FHIT: variants seen among roughly 807,000 people sequenced by gnomAD.
FHIT encodes bis(5'-adenosyl)-triphosphatase.
FHIT carries 19 observed loss-of-function variants against 17.9 expected under a neutral mutation model. The ratio of observed to expected loss-of-function variants is 1.06; its 90% CI spans 0.74 to 1.56. FHIT has a LOEUF of 1.56. Among genes scored for constraint, FHIT ranks in the 40% most tolerant of loss-of-function variants. The probability of loss-of-function intolerance (pLI) is 0.00; values close to 1 mark genes in which losing one functional copy is unlikely to be tolerated. For synonymous variants in FHIT, 81 were observed against 69.7 expected, an observed-to-expected ratio of 1.16 and a Z score of -0.81; for missense variants, 248 against 189.2, an observed-to-expected ratio of 1.31 and a Z score of -1.82.
chr3:60,398,401 C>T (rs1045937234), intron 5 of FHIT, among the ~76,000 whole-genome samples: 7 of 152,072 alleles, frequency 4.6e-5, no homozygotes, highest in African/African-American at 1.7e-4. Flanking sequence ...AAAATTTCAG[C>T]CAGCAAGAAA....
intron 4 of FHIT, among the ~76,000 whole-genome samples, chr3:60,748,532 C>A (rs1011459626): frequency 6.6e-6 from 1 of 152,136 alleles, no homozygotes; most frequent in Admixed American, 6.5e-5. Flanking sequence ...CATATCTAGG[C>A]CAAGTGCGGT....
chr3:60,478,273 GTGACT>G (rs2033444692), intron 5 of FHIT, among the ~76,000 whole-genome samples: 2 of 152,188 alleles, frequency 1.3e-5, no homozygotes, highest in Non-Finnish European at 2.9e-5. Context: ...CTCAGGCAGT[GTGACT>G]GCACAGCCAG....
At chr3:60,911,378 C>T (rs1385057915) in intron 3 of FHIT, among the ~76,000 whole-genome samples, 1 of 150,990 alleles carries the variant, frequency 6.6e-6, no homozygotes, top group Non-Finnish European at 1.5e-5. Flanking sequence ...CATGCACACA[C>T]ACACACACAC....
At chr3:60,155,119 C>T (rs1437154006) in intron 5 of FHIT, among the ~76,000 whole-genome samples, 6 of 147,714 alleles carry the variant, frequency 4.1e-5, no homozygotes, top group African/African-American at 1.5e-4. Flanking sequence ...CCCAGGAGGT[C>T]GAGGCTGCAT....
chr3:60,440,917 T>C (rs1159049857), intron 5 of FHIT, among the ~76,000 whole-genome samples: 1 of 152,144 alleles, frequency 6.6e-6, no homozygotes, highest in Non-Finnish European at 1.5e-5. Flanking sequence ...GGTTTTATGT[T>C]GGCATACGAT....
chr3:60,254,868 G>T (rs773122789), intron 5 of FHIT, among the ~76,000 whole-genome samples: 2 of 152,188 alleles, frequency 1.3e-5, no homozygotes, highest in Non-Finnish European at 2.9e-5. Flanking sequence ...AATATTTGAT[G>T]TGACTTTTTG....
intron 3 of FHIT, among the ~76,000 whole-genome samples, chr3:60,843,668 A>ATGGACTGT (rs1702819467): frequency 6.6e-6 from 1 of 151,872 alleles, no homozygotes; most frequent in African/African-American, 2.4e-5. Context: ...TGCTTCTCCA[A>ATGGACTGT]ATATAATTTC....
At chr3:60,236,642 G>T (rs1704812790) in intron 5 of FHIT, among the ~76,000 whole-genome samples, 1 of 152,090 alleles carries the variant, frequency 6.6e-6, no homozygotes, top group Non-Finnish European at 1.5e-5. Context: ...GAATGGATAT[G>T]TTCATGTATC....
At chr3:60,359,997 C>CTT (rs1190609181) in intron 5 of FHIT, among the ~76,000 whole-genome samples, 9 of 114,788 alleles carry the variant, frequency 7.8e-5, no homozygotes, top group African/African-American at 1.3e-4. Context: ...TTTTTTTTTT[C>CTT]TTTTTTTTTT....
At position 59,749,413 on chromosome 3, in the gene FHIT, G is replaced by C. The variant is rs1212505490; in HGVS notation, c.*172C>G. Reference sequence around the variant, plus strand: ...CCGTTTAGGTCTAGGTATTTTAAGGGAGTTGGAGTGACCGAGGTGGGGGAT... The same window carrying C: ...CCGTTTAGGTCTAGGTATTTTAAGGCAGTTGGAGTGACCGAGGTGGGGGAT... On this transcript the variant is annotated 3_prime_UTR_variant, in exon 10 of 10. Transcript: ENST00000492590. 1.3e-5 allele frequency: 3 copies of C among 231,776 alleles called. No individual in the cohort carries two copies. The East Asian group carries it at 1.8e-4, about 14-fold the overall frequency. 14.4% of individuals were successfully genotyped at this position (231,776 alleles called of 1,614,324 possible). A position where few individuals can be genotyped will look rare whatever the true frequency, so the allele number is the denominator to read the frequency against.
intron 5 of FHIT, among the ~76,000 whole-genome samples, chr3:60,113,907 C>A (rs1704800392): frequency 7.2e-6 from 1 of 139,680 alleles, no homozygotes; most frequent in Non-Finnish European, 1.5e-5. Flanking sequence ...GTGGCTGAGG[C>A]AGGAGAATGG....
chr3:61,145,343 A>G (rs1411373954), intron 2 of FHIT, among the ~76,000 whole-genome samples: 1 of 152,112 alleles, frequency 6.6e-6, no homozygotes, highest in Non-Finnish European at 1.5e-5. Context: ...AAATCAATTG[A>G]CCATAAATGC....
intron 2 of FHIT, among the ~76,000 whole-genome samples, chr3:61,141,597 CTA>C (rs1342363197): frequency 1.4e-5 from 2 of 144,826 alleles, no homozygotes; most frequent in African/African-American, 4.9e-5. Context: ...GACACAGAAA[CTA>C]TCTCTTACGA....
At chr3:59,921,319 T>C (rs1705392225) in intron 8 of FHIT, among the ~76,000 whole-genome samples, 1 of 151,954 alleles carries the variant, frequency 6.6e-6, no homozygotes, top group African/African-American at 2.4e-5. Flanking sequence ...AAAAGATGCA[T>C]AGATTTTAAC....
intron 2 of FHIT, among the ~76,000 whole-genome samples, chr3:61,176,971 C>G (rs773325110): frequency 3.3e-5 from 5 of 152,094 alleles, no homozygotes; most frequent in Admixed American, 6.5e-5. Flanking sequence ...GTAAGGAGAT[C>G]GAGACCATCC....
Position 60,637,148 on chromosome 3 carries a change from G to GA in FHIT, c.-17-100170dup, listed in dbSNP as rs548346544. ...AGTTCTCAAGGGAAAGGTGCTTAGA[G>GA]AAAAAAAAAGACTCAGCAAAATGCA... On this transcript the variant is annotated intron_variant, in intron 4 of 9. Coordinates refer to ENST00000492590, the MANE Select transcript of FHIT (RefSeq NM_002012.4). Among the ~76,000 whole-genome samples, 238 of 151,010 alleles carry GA rather than the reference G, an allele frequency of 1.6e-3. 10 individuals carry two copies. The South Asian group carries it at 0.044, about 28-fold the overall frequency.
chr3:60,850,058 C>A (rs527516341), intron 3 of FHIT, among the ~76,000 whole-genome samples: 37 of 152,132 alleles, frequency 2.4e-4, no homozygotes, highest in African/African-American at 7.9e-4. Flanking sequence ...TATCTCAACA[C>A]TTTCATTCTT....
At chr3:60,996,907 T>C (rs1296411108) in intron 3 of FHIT, among the ~76,000 whole-genome samples, 1 of 152,238 alleles carries the variant, frequency 6.6e-6, no homozygotes, top group Non-Finnish European at 1.5e-5. Context: ...CAATAGTGTT[T>C]AGTAATTCAA....
chr3:60,623,813 G>A (rs1162090092), intron 4 of FHIT, among the ~76,000 whole-genome samples: 2 of 152,162 alleles, frequency 1.3e-5, no homozygotes, highest in Admixed American at 6.5e-5. Context: ...TGCCCAACCC[G>A]ATTTGGTCTT....
Sources: gnomAD v4.1 joint callset for allele counts (sites outside exome capture counted in the v4.1 genomes callset) on GRCh38, gnomAD v4.1.1 for gene constraint, MANE v1.5 for transcripts, NCBI Gene and HGNC (gene_info 2026-07-23, HGNC 2026-07-21) for gene names.